The following KCNH7 variants were observed in gnomAD, a reference collection of about 807,000 sequenced individuals.
KCNH7 encodes voltage-gated inwardly rectifying potassium channel KCNH7.
A neutral mutation model predicts 120.8 loss-of-function variants in KCNH7; 49 were observed. That is an observed-to-expected ratio of 0.41 (90% confidence interval 0.32 to 0.51). The LOEUF (loss-of-function observed/expected upper bound fraction) is 0.51, where lower values mean the gene tolerates loss of function less well. KCNH7 is among the 20% of genes least tolerant of loss of function. KCNH7 has a pLI of 0.38. For synonymous variants in KCNH7, 547 were observed against 516.1 expected (o/e 1.06, Z -0.81); for missense variants, 1,097 against 1,446.6 (o/e 0.76, Z 3.92).
intron 2 of KCNH7, among the ~76,000 whole-genome samples, chr2:162,708,459 A>G (rs1686795908): frequency 6.6e-6 from 1 of 152,092 alleles, no homozygotes; most frequent in South Asian, 2.1e-4. Context: ...GTATAAGTAG[A>G]GCAATTAGTT....
At chr2:162,442,352 T>A (rs1688450959) in intron 7 of KCNH7, among the ~76,000 whole-genome samples, 1 of 151,940 alleles carries the variant, frequency 6.6e-6, no homozygotes, top group African/African-American at 2.4e-5. Flanking sequence ...AGTAAAAACG[T>A]ATACGCCAAT....
intron 7 of KCNH7, among the ~76,000 whole-genome samples, chr2:162,437,060 G>T (rs1226526910): frequency 6.6e-5 from 10 of 152,142 alleles, no homozygotes; most frequent in African/African-American, 1.7e-4. Flanking sequence ...ATTTGAGATT[G>T]CAGTGAGCTA....
chr2:162,814,125 AAAG>A (rs1684832319), intron 2 of KCNH7, among the ~76,000 whole-genome samples: 1 of 152,306 alleles, frequency 6.6e-6, no homozygotes, highest in South Asian at 2.1e-4. Flanking sequence ...TGTTGAAAGA[AAAG>A]AAGGAGAAGA....
chr2:162,748,991 T>TTCC lies in KCNH7; in HGVS notation c.307+87545_307+87546insGGA, dbSNP rs1559114097. 9.9e-3 allele frequency among the ~76,000 whole-genome samples: 840 copies of TTCC among 84,896 alleles called. 122 individuals carry two copies. Among genetic ancestry groups the TTCC allele is most frequent in the African/African-American group, 0.028 (461 of 16,626 alleles). 55.7% of individuals were successfully genotyped at this position (84,896 alleles called of 152,430 possible). ...CCTTCCTTCCTTCCTTCCTTCCTTC[T>TTCC]TTCCTCTCTTTTGCACTGAAAAGCA... is the stretch of plus-strand genomic sequence containing the variant. On this transcript the variant is annotated intron_variant, in intron 2 of 15. Transcript: ENST00000332142.
chr2:162,751,273 T>C (rs1688537331), intron 2 of KCNH7, among the ~76,000 whole-genome samples: 1 of 152,358 alleles, frequency 6.6e-6, no homozygotes, highest in Non-Finnish European at 1.5e-5. Flanking sequence ...TTCACCAAAG[T>C]ACTATATTAT....
At chr2:162,633,453 T>C (rs969416978) in intron 2 of KCNH7, among the ~76,000 whole-genome samples, 1 of 152,008 alleles carries the variant, frequency 6.6e-6, no homozygotes, top group Non-Finnish European at 1.5e-5. Flanking sequence ...TTAATGATGA[T>C]AAAACACTGA....
At chr2:162,432,565 A>T (rs942794361) in intron 8 of KCNH7, among the ~76,000 whole-genome samples, 2 of 152,044 alleles carry the variant, frequency 1.3e-5, no homozygotes, top group Admixed American at 6.6e-5. Flanking sequence ...CATTCTAAGG[A>T]TGATGTTCTT....
rs76591802 is a variant in KCNH7 at position 162,449,062 on chromosome 2, G to T, written c.1129-2619C>A. 8.2e-3 allele frequency among the ~76,000 whole-genome samples: 1,249 copies of T among 152,098 alleles called. 22 individuals carry two copies. Among genetic ancestry groups the T allele is most frequent in the African/African-American group, 0.029 (1,191 of 41,524 alleles). ...ATATTACAAGCAGAGGGGACAGAAT[G>T]AACAAGGGTAAGAAAGCATAAAATC... On this transcript the variant is annotated intron_variant, in intron 6 of 15. Transcript: ENST00000332142.
chr2:162,733,060 C>A (rs1687780524), intron 2 of KCNH7, among the ~76,000 whole-genome samples: 1 of 152,126 alleles, frequency 6.6e-6, no homozygotes, highest in South Asian at 2.1e-4. Flanking sequence ...GATATAAATT[C>A]TTATACTACA....
At chr2:162,378,473 G>T (rs1686292070) in intron 14 of KCNH7, among the ~76,000 whole-genome samples, 1 of 152,192 alleles carries the variant, frequency 6.6e-6, no homozygotes, top group Non-Finnish European at 1.5e-5. Flanking sequence ...CATAAATAGT[G>T]AATAAATCAG....
chr2:162,540,211 C>T (rs796531476), intron 2 of KCNH7, among the ~76,000 whole-genome samples: 5 of 108,436 alleles, frequency 4.6e-5, no homozygotes, highest in Non-Finnish European at 8.5e-5. Flanking sequence ...TGTTAAGAAG[C>T]AGATTATTTA....
intron 2 of KCNH7, among the ~76,000 whole-genome samples, chr2:162,694,535 T>C (rs563422442): frequency 6.6e-6 from 1 of 152,022 alleles, no homozygotes; most frequent in East Asian, 1.9e-4. Flanking sequence ...TGGGCTCTTA[T>C]GATTCTTTAA....
intron 2 of KCNH7, among the ~76,000 whole-genome samples, chr2:162,600,004 T>C (rs1045343640): frequency 1.3e-5 from 2 of 152,052 alleles, no homozygotes; most frequent in African/African-American, 4.8e-5. Context: ...TTTCATTTGT[T>C]TGTAATCATT....
chr2:162,809,099 T>C lies in KCNH7; in HGVS notation c.307+27438A>G, dbSNP rs1300217353. Among the ~76,000 whole-genome samples, 9 of 152,310 alleles carry C rather than the reference T, an allele frequency of 5.9e-5. No individual in the cohort carries two copies. In the South Asian group the frequency reaches 1.9e-3, roughly 32 times the overall value. On this transcript the variant is annotated intron_variant, in intron 2 of 15. Transcript: ENST00000332142. ...GGAGTCATTTTCAAGATTCTTCAAC[T>C]GAGAGTTGGTTTGACTTAAGATAAT...
chr2:162,642,354 G>C (rs1339167053), intron 2 of KCNH7, among the ~76,000 whole-genome samples: 1 of 152,014 alleles, frequency 6.6e-6, no homozygotes, highest in Non-Finnish European at 1.5e-5. Context: ...ATTTGTACAT[G>C]CTTTTCTTAA....
intron 2 of KCNH7, among the ~76,000 whole-genome samples, chr2:162,762,682 A>T (rs1689007718): frequency 6.6e-6 from 1 of 152,132 alleles, no homozygotes; most frequent in African/African-American, 2.4e-5. Flanking sequence ...TGGAAGAGCC[A>T]TAAAAATTGG....
chr2:162,668,539 C>T lies in KCNH7; in HGVS notation c.308-131459G>A, dbSNP rs142317808. Among the ~76,000 whole-genome samples, 758 of 152,170 alleles carry T rather than the reference C, an allele frequency of 5.0e-3. 7 individuals are homozygous for T. Among genetic ancestry groups the T allele is most frequent in the African/African-American group, 0.016 (684 of 41,518 alleles). ...CATCTGTAAAATGCCAAATACAGAA[C>T]AAAAGTGATACAGGGTTTCACCTAG... is the stretch of plus-strand genomic sequence containing the variant. On this transcript the variant is annotated intron_variant, in intron 2 of 15. Coordinates refer to ENST00000332142, the MANE Select transcript of KCNH7 (RefSeq NM_033272.4).
At chr2:162,387,300 T>C (rs957855542) in intron 12 of KCNH7, among the ~76,000 whole-genome samples, 7 of 150,586 alleles carry the variant, frequency 4.6e-5, no homozygotes, top group African/African-American at 7.3e-5. Context: ...TATTTGTAGA[T>C]TAAAAATGGA....
intron 2 of KCNH7, among the ~76,000 whole-genome samples, chr2:162,835,621 G>GAT (rs1201575566): frequency 6.6e-6 from 1 of 151,166 alleles, no homozygotes; most frequent in Non-Finnish European, 1.5e-5. Flanking sequence ...TAGATATATA[G>GAT]ATATATATAG....
Sources: allele counts gnomAD v4.1 joint callset (sites outside exome capture counted in the v4.1 genomes callset), GRCh38; gene constraint gnomAD v4.1.1; transcripts MANE v1.5; gene names NCBI Gene and HGNC (gene_info 2026-07-23, HGNC 2026-07-21).